NUP98: variants seen among roughly 807,000 people sequenced by gnomAD.
The protein encoded by NUP98 is nuclear pore complex protein Nup98-Nup96.
In NUP98, 26 loss-of-function variants were observed where a neutral mutation model predicts 191.9. The observed-to-expected ratio is 0.14, with a 90% CI of 0.10 to 0.19. The LOEUF is 0.19. Among genes scored for constraint, NUP98 ranks in the 10% least tolerant of loss-of-function variants. NUP98 has a pLI of 1.00. For missense variants in NUP98, 1,941 were observed against 2,178.8 expected, an observed-to-expected ratio of 0.89 and a Z score of 2.17; for synonymous variants, 808 against 778.4, an observed-to-expected ratio of 1.04 and a Z score of -0.63.
chr11:3,736,100 T>TGTG (rs1564862183), intron 12 of NUP98, among the ~76,000 whole-genome samples: 154 of 111,282 alleles, frequency 1.4e-3, no homozygotes, highest in East Asian at 0.011. Flanking sequence ...GTGTGTGTGT[T>TGTG]TTGTTTTTTT....
intron 11 of NUP98, among the ~76,000 whole-genome samples, chr11:3,749,674 T>C (rs2134417771): frequency 6.6e-6 from 1 of 151,210 alleles, no homozygotes; most frequent in East Asian, 1.9e-4. Flanking sequence ...AAGTTAGTGG[T>C]AGGTGCAGAA....
intron 23 of NUP98, among the ~76,000 whole-genome samples, chr11:3,701,255 ATTT>A (rs71041374): frequency 0.089 from 11,192 of 125,658 alleles, 433 homozygotes; most frequent in Non-Finnish European, 0.12. Context: ...GCTTGTTCCA[ATTT>A]TTTTTTTTTT....
chr11:3,729,743 G>GAAAAAAAAA (rs1699475051), intron 14 of NUP98, among the ~76,000 whole-genome samples: 2 of 100,960 alleles, frequency 2.0e-5, no homozygotes, highest in African/African-American at 7.3e-5. Flanking sequence ...AAAAAAAAAG[G>GAAAAAAAAA]ATGACGTTTG....
intron 31 of NUP98, among the ~76,000 whole-genome samples, chr11:3,678,348 T>TA (rs1367799116): frequency 6.6e-6 from 1 of 152,212 alleles, no homozygotes; most frequent in Non-Finnish European, 1.5e-5. Flanking sequence ...ATTGAATCTA[T>TA]AAGTCTGCTT....
intron 11 of NUP98, among the ~76,000 whole-genome samples, 196 bp from the exon 12 acceptor site, chr11:3,744,845 C>T (rs916927142): frequency 6.6e-6 from 1 of 152,204 alleles, no homozygotes; most frequent in Non-Finnish European, 1.5e-5. Flanking sequence ...AGGTAAAATA[C>T]TTAAATCTCT....
At chr11:3,704,309 C>A (rs1241620850) in intron 22 of NUP98, among the ~76,000 whole-genome samples, 1 of 152,188 alleles carries the variant, frequency 6.6e-6, no homozygotes, top group African/African-American at 2.4e-5. Context: ...GTTGAAACTA[C>A]ATCTGCTTAA....
intron 5 of NUP98, among the ~76,000 whole-genome samples, chr11:3,774,227 G>A (rs678302): frequency 0.28 from 41,137 of 149,254 alleles, 6,177 homozygotes; most frequent in African/African-American, 0.39. Flanking sequence ...GTGAAACCCC[G>A]TCTCTACTAA....
In NUP98 at chr11:3,687,473, G is replaced by C. The variant is rs137912905; in HGVS notation, c.4455-1279C>G. Among the ~76,000 whole-genome samples, 159 of 152,178 alleles carry C rather than the reference G, an allele frequency of 1.0e-3. 3 individuals are homozygous for C. In the East Asian group the frequency reaches 0.03, roughly 29 times the overall value. On this transcript the variant is annotated intron_variant, in intron 28 of 32. Coordinates refer to ENST00000324932, the MANE Select transcript of NUP98 (RefSeq NM_016320.5). ...GAAATCTTCTGCCTAACCTACAGTT[G>C]CAAAAATTTTCTGCTTTGTTTTCTT...
chr11:3,742,648 G>A lies in NUP98; in HGVS notation c.1408+1861C>T, dbSNP rs528908262. Among the ~76,000 whole-genome samples, 8 of 142,796 alleles carry A rather than the reference G, an allele frequency of 5.6e-5. No homozygotes were observed. In the South Asian group the frequency reaches 1.5e-3, roughly 27 times the overall value. 93.7% of individuals were successfully genotyped at this position (142,796 alleles called of 152,430 possible). ...TGGGAGGCAGAGGTTGCAGTGAGCCGAGATTACATCACTGCACTCCAGCCT... is the reference window on the plus strand; with the variant it reads ...TGGGAGGCAGAGGTTGCAGTGAGCCAAGATTACATCACTGCACTCCAGCCT... On this transcript the variant is annotated intron_variant, in intron 12 of 32. Coordinates refer to ENST00000324932, the MANE Select transcript of NUP98 (RefSeq NM_016320.5).
intron 25 of NUP98, among the ~76,000 whole-genome samples, chr11:3,696,057 G>A (rs1336100765): frequency 6.6e-6 from 1 of 152,002 alleles, no homozygotes; most frequent in Non-Finnish European, 1.5e-5. Context: ...CGGGCGTGCT[G>A]GTGCACACCT....
At position 3,745,391 on chromosome 11, in the gene NUP98, TCAG is replaced by T. The variant is rs1432739294; in HGVS notation, c.1268-745_1268-743del. Among the ~76,000 whole-genome samples the T allele has an allele frequency of 7.9e-5, 12 of 152,268 alleles. No homozygotes were observed. In the East Asian group the frequency reaches 2.1e-3, roughly 27 times the overall value. On this transcript the variant is annotated intron_variant, in intron 11 of 32. Transcript: ENST00000324932. ...TGAGGTTACTAAACAGACTCAAATT[TCAG>T]CACGAACCAGAGTGGTTGGACTAAG...
chr11:3,682,263 C>T (rs2078004526), intron 30 of NUP98, among the ~76,000 whole-genome samples: 1 of 152,208 alleles, frequency 6.6e-6, no homozygotes, highest in Non-Finnish European at 1.5e-5. Flanking sequence ...TTTATATGTT[C>T]ACTGGAGTAG....
At chr11:3,770,063 G>C (rs1314643027) in intron 7 of NUP98, among the ~76,000 whole-genome samples, 3 of 147,786 alleles carry the variant, frequency 2.0e-5, no homozygotes, top group East Asian at 4.0e-4. Flanking sequence ...AAAACAATTA[G>C]GGCTGGCACC....
rs1488264049 is a variant in NUP98, at chr11:3,758,541, T to C, written c.1174+1998A>G. Among the ~76,000 whole-genome samples, 4 of 152,238 alleles carry C rather than the reference T, an allele frequency of 2.6e-5. No homozygotes were observed. The Middle Eastern group carries it at 0.01, about 388-fold the overall frequency. Reference sequence around the variant, plus strand: ...GGCTCACGCCTGTAATCCCAGCACTTTGGGAGGCCGAGGAGGGCAGATCGC... The same window carrying C: ...GGCTCACGCCTGTAATCCCAGCACTCTGGGAGGCCGAGGAGGGCAGATCGC... On this transcript the variant is annotated intron_variant, in intron 10 of 32. Coordinates refer to ENST00000324932, the MANE Select transcript of NUP98 (RefSeq NM_016320.5).
At chr11:3,692,261 A>G (rs1317055462) in intron 27 of NUP98, among the ~76,000 whole-genome samples, 1 of 151,376 alleles carries the variant, frequency 6.6e-6, no homozygotes, top group Non-Finnish European at 1.5e-5. Flanking sequence ...GCAGTGAGCT[A>G]TAATTGCCCC....
intron 29 of NUP98, among the ~76,000 whole-genome samples, chr11:3,683,832 C>T (rs112124698): frequency 0.021 from 3,257 of 152,188 alleles, 126 homozygotes; most frequent in African/African-American, 0.075. Context: ...GCCACCACAC[C>T]TGGCCTAAAC....
At chr11:3,741,434 C>T (rs973193159) in intron 12 of NUP98, among the ~76,000 whole-genome samples, 1 of 151,972 alleles carries the variant, frequency 6.6e-6, no homozygotes, top group African/African-American at 2.4e-5. Context: ...CCAGCCTGGC[C>T]AACATGGTGA....
intron 1 of NUP98, among the ~76,000 whole-genome samples, chr11:3,793,862 G>C (rs367831825): frequency 6.6e-6 from 1 of 151,916 alleles, no homozygotes; most frequent in African/African-American, 2.4e-5. Flanking sequence ...CCAGCTACTC[G>C]GGAGGCTGAG....
chr11:3,713,728 T>C (rs551964310), intron 19 of NUP98, 90 bp downstream of exon 19: 21 of 1,243,912 alleles, frequency 1.7e-5, no homozygotes, highest in Middle Eastern at 2.1e-4. Context: ...AATCAATCAA[T>C]AGAATTTAGC....
Sources: gnomAD v4.1 joint callset for allele counts (sites outside exome capture counted in the v4.1 genomes callset) on GRCh38, gnomAD v4.1.1 for gene constraint, MANE v1.5 for transcripts, NCBI Gene and HGNC (gene_info 2026-07-23, HGNC 2026-07-21) for gene names.